MICU2: variants seen among roughly 807,000 people sequenced by gnomAD.
MICU2 encodes calcium uptake protein 2, mitochondrial.
A neutral mutation model predicts 60.4 loss-of-function variants in MICU2; 64 were observed. That is an observed-to-expected ratio of 1.06 (90% CI 0.87 to 1.31). MICU2 has a LOEUF of 1.31. Among genes scored for constraint, MICU2 ranks in the 50% most tolerant of loss-of-function variants. The pLI, the probability that MICU2 is intolerant of heterozygous loss-of-function variation, is 0.00. For synonymous variants in MICU2, 201 were observed against 175.0 expected, an observed-to-expected ratio of 1.15 and a Z score of -1.17; for missense variants, 569 against 531.0, an observed-to-expected ratio of 1.07 and a Z score of -0.70.
chr13:21,600,808 T>TTATTATTATTAC (rs1888795818), intron 1 of MICU2, among the ~76,000 whole-genome samples: 1 of 152,074 alleles, frequency 6.6e-6, no homozygotes, highest in African/African-American at 2.4e-5. Context: ...ATTATTATTA[T>TTATTATTATTAC]TATTTTGAGA....
chr13:21,527,018 T>TA (rs1886875077), intron 4 of MICU2, among the ~76,000 whole-genome samples: 1 of 152,192 alleles, frequency 6.6e-6, no homozygotes, highest in Non-Finnish European at 1.5e-5. Context: ...TAACTATAAG[T>TA]AAATATTTTA....
rs1378692498 is a variant in MICU2, at chr13:21,495,305, T to G, written c.1056A>C (p.Arg352Ser). Residue 352 changes from arginine to serine, a missense_variant, in exon 11 of 12, where the codon AGA becomes AGC. Arg to Ser is a moderately radical substitution (Grantham distance 110). Transcript: ENST00000382374. ...CTTGTCCTGTTGCTACTTTCACAGCTCTCTTAAACTCCGCTAAAAAACAAA... is the reference window on the plus strand; with the variant it reads ...CTTGTCCTGTTGCTACTTTCACAGCGCTCTTAAACTCCGCTAAAAAACAAA... ...HRPVRLAEFK[R>S]AVKVATGQEL... The G allele has an allele frequency of 6.3e-7, 1 of 1,593,620 alleles. No homozygotes were observed. The highest frequency in any genetic ancestry group is 1.1e-5 in the South Asian group (1 of 87,476).
intron 1 of MICU2, among the ~76,000 whole-genome samples, chr13:21,577,564 T>C (rs1888252751): frequency 6.6e-6 from 1 of 151,998 alleles, no homozygotes; most frequent in Non-Finnish European, 1.5e-5. Flanking sequence ...TCCCAGCACT[T>C]TGGGAGGCCG....
At chr13:21,596,211 T>G (rs566515279) in intron 1 of MICU2, among the ~76,000 whole-genome samples, 72 of 152,268 alleles carry the variant, frequency 4.7e-4, no homozygotes, top group Admixed American at 2.8e-3. Flanking sequence ...ATCAAAGCAC[T>G]TGTGCATTTG....
chr13:21,600,444 C>CA (rs1418937912), intron 1 of MICU2, among the ~76,000 whole-genome samples: 1 of 152,158 alleles, frequency 6.6e-6, no homozygotes, highest in Non-Finnish European at 1.5e-5. Context: ...CCACAGCACC[C>CA]AGTATTTAAC....
intron 4 of MICU2, chr13:21,530,680 T>C (rs1007857432): frequency 1.1e-5 from 4 of 357,816 alleles, no homozygotes; most frequent in Non-Finnish European, 2.0e-5. Flanking sequence ...AAAAATAAGT[T>C]ACTGGGGTGG....
chr13:21,542,585 A>C (rs1887310797), intron 2 of MICU2, among the ~76,000 whole-genome samples: 2 of 152,220 alleles, frequency 1.3e-5, no homozygotes, highest in Non-Finnish European at 2.9e-5. Context: ...AAACAGGAAA[A>C]AAGATCTAGA....
intron 8 of MICU2, among the ~76,000 whole-genome samples, chr13:21,503,972 A>G (rs1359326887): frequency 6.6e-6 from 1 of 152,204 alleles, no homozygotes. Context: ...TCACTTAAAA[A>G]ATGACTTGCT....
intron 1 of MICU2, among the ~76,000 whole-genome samples, chr13:21,572,613 G>A (rs1888137720): frequency 1.3e-5 from 2 of 152,176 alleles, no homozygotes; most frequent in South Asian, 2.1e-4. Context: ...TTGTTTATGG[G>A]AGGCTAGCAA....
chr13:21,517,770 G>GACACAC (rs374373614), intron 6 of MICU2, among the ~76,000 whole-genome samples: 13 of 144,612 alleles, frequency 9.0e-5, no homozygotes, highest in African/African-American at 3.0e-4. Context: ...ACAGAGCGAG[G>GACACAC]ACACACACAC....
At chr13:21,497,762 T>C (rs1000889617) in intron 9 of MICU2, among the ~76,000 whole-genome samples, 1 of 152,198 alleles carries the variant, frequency 6.6e-6, no homozygotes, top group Non-Finnish European at 1.5e-5. Context: ...TCTTAGTTTT[T>C]ATCTTGTTTT....
At chr13:21,533,215 T>C (rs1033919050) in intron 4 of MICU2, among the ~76,000 whole-genome samples, 2 of 152,092 alleles carry the variant, frequency 1.3e-5, no homozygotes, top group Admixed American at 6.5e-5. Flanking sequence ...CCACGGTGTA[T>C]AGGATATACT....
At chr13:21,570,092 C>T (rs1161342212) in intron 1 of MICU2, among the ~76,000 whole-genome samples, 1 of 152,204 alleles carries the variant, frequency 6.6e-6, no homozygotes, top group Non-Finnish European at 1.5e-5. Context: ...CCTGGGCTAA[C>T]TGTTGTCCAT....
chr13:21,549,605 A>G (rs897164518), intron 2 of MICU2, among the ~76,000 whole-genome samples: 3 of 141,070 alleles, frequency 2.1e-5, no homozygotes, highest in Non-Finnish European at 4.8e-5. Context: ...TTTGTTTATT[A>G]TTTACATATT....
rs544887401 is a variant in MICU2, at chr13:21,603,379, GATA to G, written c.210+557_210+559del. Among the ~76,000 whole-genome samples, 24 of 152,306 alleles carry G rather than the reference GATA, an allele frequency of 1.6e-4. 1 individual carries two copies. The South Asian group carries it at 4.6e-3, about 29-fold the overall frequency. On this transcript the variant is annotated intron_variant, in intron 1 of 11. Coordinates refer to ENST00000382374, the MANE Select transcript of MICU2 (RefSeq NM_152726.3). ...TCATGCAATAATGTTCCTTAAAGTT[GATA>G]ATAAAATCTGGAAATCAACTGGTTA...
chr13:21,546,896 T>C (rs1250210205), intron 2 of MICU2, among the ~76,000 whole-genome samples: 1 of 152,214 alleles, frequency 6.6e-6, no homozygotes, highest in African/African-American at 2.4e-5. Context: ...TATTGATTCT[T>C]TGGCATGTTC....
chr13:21,494,522 T>C (rs1296852262), intron 11 of MICU2, among the ~76,000 whole-genome samples: 2 of 152,244 alleles, frequency 1.3e-5, no homozygotes, highest in East Asian at 3.8e-4. Context: ...CATCAAATTC[T>C]AACAATAATG....
chr13:21,531,527 G>A lies in MICU2; in HGVS notation c.466+7775C>T, dbSNP rs114788569. Among the ~76,000 whole-genome samples the A allele has an allele frequency of 3.9e-3, 591 of 152,310 alleles. 10 individuals are homozygous for A. Among genetic ancestry groups the A allele is most frequent in the African/African-American group, 0.013 (550 of 41,562 alleles). On this transcript the variant is annotated intron_variant, in intron 4 of 11. Coordinates refer to ENST00000382374, the MANE Select transcript of MICU2 (RefSeq NM_152726.3). Reference sequence around the variant, plus strand: ...AGTAATGGGATTCTTCTAAAGCAAAGTCACTGGATGGGAGGAGGAAGAAAA... The same window carrying A: ...AGTAATGGGATTCTTCTAAAGCAAAATCACTGGATGGGAGGAGGAAGAAAA...
At chr13:21,493,669 T>C (rs1206129158) in intron 11 of MICU2, among the ~76,000 whole-genome samples, 1 of 152,110 alleles carries the variant, frequency 6.6e-6, no homozygotes, top group African/African-American at 2.4e-5. Context: ...AATTACTTTA[T>C]AATGTTTTCC....
Sources: gnomAD v4.1 joint callset for allele counts (sites outside exome capture counted in the v4.1 genomes callset) on GRCh38, gnomAD v4.1.1 for gene constraint, MANE v1.5 for transcripts, NCBI Gene and HGNC (gene_info 2026-07-23, HGNC 2026-07-21) for gene names.